The following TMEM132D variants were observed in gnomAD, a reference collection of about 807,000 sequenced individuals.
The protein encoded by TMEM132D is transmembrane protein 132D, also known as mature OL transmembrane protein.
Under a neutral mutation model 62.3 loss-of-function variants are expected in TMEM132D, and 21 were observed. The ratio of observed to expected loss-of-function variants is 0.34; its 90% CI spans 0.24 to 0.49. The LOEUF is 0.49. TMEM132D is among the 20% of genes least tolerant of loss of function. The pLI, the probability that TMEM132D is intolerant of heterozygous loss-of-function variation, is 0.99. For missense variants in TMEM132D, 1,346 were observed against 1,402.8 expected, an observed-to-expected ratio of 0.96 and a Z score of 0.65; for synonymous variants, 621 against 575.6, an observed-to-expected ratio of 1.08 and a Z score of -1.13.
At chr12:129,503,268 AC>A (rs1875211666) in intron 3 of TMEM132D, among the ~76,000 whole-genome samples, 1 of 152,194 alleles carries the variant, frequency 6.6e-6, no homozygotes, top group South Asian at 2.1e-4. Flanking sequence ...TAGAAAGTCG[AC>A]AGAAGAAATC....
At chr12:129,725,293 G>T (rs368589631) in intron 1 of TMEM132D, among the ~76,000 whole-genome samples, 10 of 152,178 alleles carry the variant, frequency 6.6e-5, no homozygotes, top group African/African-American at 2.2e-4. Flanking sequence ...CATTCACTAT[G>T]TATTTCTATA....
chr12:129,903,049 C>T lies in TMEM132D; in HGVS notation c.79+212G>A, dbSNP rs1875416343. On this transcript the variant is annotated intron_variant, in intron 1 of 8. Coordinates refer to ENST00000422113, the MANE Select transcript of TMEM132D (RefSeq NM_133448.3). The surrounding 1 kb of genome is among the most constrained non-coding windows in gnomAD (Gnocchi z 6.2). ...ACCTAAGGCCTCCCACCCAAGTGCT[C>T]CAGGACAAGCACCTTCGGCCAAGGG... Among the ~76,000 whole-genome samples the T allele has an allele frequency of 6.6e-6, 1 of 152,232 alleles. No homozygotes were observed. Among genetic ancestry groups the T allele is most frequent in the South Asian group, 2.1e-4 (1 of 4,834 alleles).
rs142417437 is a variant in TMEM132D at position 129,800,800 on chromosome 12, G to A, written c.80-100102C>T. Among the ~76,000 whole-genome samples the A allele has an allele frequency of 7.1e-3, 1,074 of 152,194 alleles. 39 individuals are homozygous for A. In the South Asian group the frequency reaches 0.075, roughly 11 times the overall value. On this transcript the variant is annotated intron_variant, in intron 1 of 8. Transcript: ENST00000422113. ...GGTGATTTCTCCATTTCCATCTGAG[G>A]TACCGGGCTCATCTCACTAGGGAGT...
intron 2 of TMEM132D, among the ~76,000 whole-genome samples, chr12:129,698,760 GGAGGGAGAAAGAGA>G (rs1199506522): frequency 2.2e-4 from 29 of 129,878 alleles, no homozygotes; most frequent in Non-Finnish European, 3.8e-4. Context: ...AGAGGAGAGG[GGAGGGAGAAAGAGA>G]GAGGGAGAAA....
Position 129,700,405 on chromosome 12 carries a change from G to A in TMEM132D, c.373C>T (p.Leu125Phe), listed in dbSNP as rs2137227163. ...NPFGFTNKFS[L>F]NWKLKAHILR... ...ATGTGGGCTTTTAGTTTCCAGTTAA[G>A]AGAAAATTTGTTGGTGAATCCAAAT... is the stretch of plus-strand genomic sequence containing the variant. Residue 125 changes from leucine to phenylalanine, a missense_variant, in exon 2 of 9, where the codon CTT becomes TTT. Leu to Phe is a conservative substitution (Grantham distance 22). Coordinates refer to ENST00000422113, the MANE Select transcript of TMEM132D (RefSeq NM_133448.3). 1.2e-6 allele frequency: 2 copies of A among 1,614,182 alleles called. No individual in the cohort carries two copies. The highest frequency in any genetic ancestry group is 1.7e-6 in the Non-Finnish European group (2 of 1,180,040).
intron 2 of TMEM132D, among the ~76,000 whole-genome samples, chr12:129,643,685 A>T (rs2137176940): frequency 6.6e-6 from 1 of 152,238 alleles, no homozygotes; most frequent in Admixed American, 6.5e-5. Context: ...CTGCTCACTG[A>T]GATAAATGCA....
At chr12:129,758,243 C>G (rs1027664664) in intron 1 of TMEM132D, among the ~76,000 whole-genome samples, 9 of 152,060 alleles carry the variant, frequency 5.9e-5, no homozygotes, top group African/African-American at 2.2e-4. Flanking sequence ...ACCACTCTTC[C>G]TCCTGCCTCA....
intron 1 of TMEM132D, among the ~76,000 whole-genome samples, chr12:129,727,687 C>T (rs1869086285): frequency 6.6e-6 from 1 of 152,058 alleles, no homozygotes; most frequent in South Asian, 2.1e-4. Context: ...ATCCAGTTAC[C>T]CAGCATGAGA....
At chr12:129,525,770 T>G (rs1279117584) in intron 3 of TMEM132D, among the ~76,000 whole-genome samples, 1 of 152,190 alleles carries the variant, frequency 6.6e-6, no homozygotes, top group Non-Finnish European at 1.5e-5. Flanking sequence ...AAACATCACA[T>G]TTTCTGGATC....
chr12:129,509,539 C>A (rs536548953), intron 3 of TMEM132D, among the ~76,000 whole-genome samples: 3 of 152,042 alleles, frequency 2.0e-5, no homozygotes, highest in African/African-American at 7.2e-5. Context: ...ACTATAATCA[C>A]CCTGTTGTGC....
intron 2 of TMEM132D, among the ~76,000 whole-genome samples, chr12:129,560,809 C>T (rs146460379): frequency 6.6e-6 from 1 of 152,338 alleles, no homozygotes; most frequent in East Asian, 1.9e-4. Flanking sequence ...ACCGGGAATG[C>T]TGCCAGACAC....
chr12:129,711,200 TC>T (rs1257141699), intron 1 of TMEM132D, among the ~76,000 whole-genome samples: 3 of 152,328 alleles, frequency 2.0e-5, no homozygotes, highest in South Asian at 4.1e-4. Context: ...CTCACCGATG[TC>T]CCAGCTCAGA....
intron 4 of TMEM132D, among the ~76,000 whole-genome samples, chr12:129,323,157 G>C (rs1868776120): frequency 6.6e-6 from 1 of 152,074 alleles, no homozygotes; most frequent in South Asian, 2.1e-4. Flanking sequence ...CTACTGCAGG[G>C]AGGCCTTTCT....
At chr12:129,703,238 T>C (rs945076688) in intron 1 of TMEM132D, among the ~76,000 whole-genome samples, 1 of 152,190 alleles carries the variant, frequency 6.6e-6, no homozygotes, top group Non-Finnish European at 1.5e-5. Context: ...ACATGAAACC[T>C]AACTGTGCAG....
chr12:129,784,662 C>T (rs1377346708), intron 1 of TMEM132D, among the ~76,000 whole-genome samples: 1 of 152,158 alleles, frequency 6.6e-6, no homozygotes, highest in Non-Finnish European at 1.5e-5. Context: ...GAAGTCTGTT[C>T]GGTTGAAAAG....
At position 129,844,278 on chromosome 12, in the gene TMEM132D, T is replaced by A. The variant is rs181009913; in HGVS notation, c.79+58983A>T. ...ATTCATCTTTACATGCTTGAAACAA[T>A]TGAGGGAAGGGGGAAGGAGAGAGAG... On this transcript the variant is annotated intron_variant, in intron 1 of 8. Transcript: ENST00000422113. Among the ~76,000 whole-genome samples, 437 of 152,240 alleles carry A rather than the reference T, an allele frequency of 2.9e-3. 1 individual carries two copies. The highest frequency in any genetic ancestry group is 0.01 in the African/African-American group (426 of 41,546).
At chr12:129,888,662 C>A (rs920856844) in intron 1 of TMEM132D, among the ~76,000 whole-genome samples, 2 of 152,302 alleles carry the variant, frequency 1.3e-5, no homozygotes, top group Admixed American at 6.5e-5. Flanking sequence ...CAAGATCACG[C>A]CATTGCACTG....
chr12:129,211,832 G>C (rs1179491062), intron 4 of TMEM132D: 1 of 152,124 alleles, frequency 6.6e-6, no homozygotes, highest in Non-Finnish European at 1.5e-5. Flanking sequence ...ATAAAAACAT[G>C]GCACAAACAT....
chr12:129,264,220 C>A (rs1593315877), intron 4 of TMEM132D, among the ~76,000 whole-genome samples: 1 of 152,284 alleles, frequency 6.6e-6, no homozygotes, highest in African/African-American at 2.4e-5. Context: ...AAAACCCAGT[C>A]TTTATAAAAA....
Sources: gnomAD v4.1 joint callset for allele counts (sites outside exome capture counted in the v4.1 genomes callset) on GRCh38, gnomAD v4.1.1 for gene constraint, Gnocchi (gnomAD v3.1) non-coding constraint, MANE v1.5 for transcripts, NCBI Gene and HGNC (gene_info 2026-07-23, HGNC 2026-07-21) for gene names.